The following TCF12 variants were observed in gnomAD, a reference collection of about 807,000 sequenced individuals.
TCF12 encodes the protein DNA-binding protein HTF4.
A neutral mutation model predicts 86.0 loss-of-function variants in TCF12; 45 were observed. The ratio of observed to expected loss-of-function variants is 0.52; its 90% CI spans 0.41 to 0.67. The LOEUF is 0.67. TCF12 is among the 30% of genes least tolerant of loss of function. The pLI is 0.00. For synonymous variants in TCF12, 330 were observed against 299.6 expected, an observed-to-expected ratio of 1.10 and a Z score of -1.05; for missense variants, 881 against 859.9, an observed-to-expected ratio of 1.02 and a Z score of -0.31.
At position 57,289,526 on chromosome 15, in the gene TCF12, A is replaced by C. The variant is rs1360826980; in HGVS notation, c.*3381A>C. 2.6e-5 allele frequency: 4 copies of C among 151,430 alleles called. No individual in the cohort carries two copies. Among genetic ancestry groups the C allele is most frequent in the Non-Finnish European group, 4.4e-5 (3 of 67,890 alleles). The allele number at this position is 151,430 out of a possible 1,614,324, so 9.4% of individuals were successfully genotyped here. ...GCTCAGTGTCTTCATTTTCTTCCAT[A>C]TTTGTTTTATTTCATTTTTCTTTTC... is the stretch of plus-strand genomic sequence containing the variant. On this transcript the variant is annotated 3_prime_UTR_variant, in exon 21 of 21. Coordinates refer to ENST00000333725, the MANE Select transcript of TCF12 (RefSeq NM_207037.2).
chr15:57,133,417 A>G (rs2052288373), intron 5 of TCF12, among the ~76,000 whole-genome samples: 1 of 152,248 alleles, frequency 6.6e-6, no homozygotes, highest in South Asian at 2.1e-4. Context: ...ATGTGTGATT[A>G]TGAAGTCATC....
At chr15:57,136,957 AGTTTTTTTTTTTGT>A (rs2052567676) in intron 5 of TCF12, among the ~76,000 whole-genome samples, 3 of 103,860 alleles carry the variant, frequency 2.9e-5, no homozygotes, top group African/African-American at 1.2e-4. Flanking sequence ...TGCTTCTGGC[AGTTTTTTTTTTTGT>A]TTTTTTTTTT....
intron 12 of TCF12, among the ~76,000 whole-genome samples, chr15:57,241,166 T>C (rs1258334241): frequency 6.6e-6 from 1 of 152,002 alleles, no homozygotes; most frequent in Non-Finnish European, 1.5e-5. Flanking sequence ...CGATCTCGGC[T>C]CACTGAAACC....
At chr15:57,010,706 G>A (rs1217530903) in intron 3 of TCF12, among the ~76,000 whole-genome samples, 1 of 152,180 alleles carries the variant, frequency 6.6e-6, no homozygotes. Context: ...AGTGAGAAAC[G>A]TGTTTACTGA....
At chr15:57,031,050 T>A (rs2066147196) in intron 3 of TCF12, among the ~76,000 whole-genome samples, 1 of 152,254 alleles carries the variant, frequency 6.6e-6, no homozygotes, top group Admixed American at 6.5e-5. Flanking sequence ...ATTGTGTGAA[T>A]TATTATTTCT....
chr15:57,039,452 T>C (rs1000401089), intron 3 of TCF12, among the ~76,000 whole-genome samples: 1 of 152,226 alleles, frequency 6.6e-6, no homozygotes, highest in Non-Finnish European at 1.5e-5. Flanking sequence ...CCATTCAGGC[T>C]ATTTATATTT....
intron 3 of TCF12, among the ~76,000 whole-genome samples, chr15:57,013,246 A>G (rs2141181114): frequency 6.6e-6 from 1 of 152,316 alleles, no homozygotes; most frequent in African/African-American, 2.4e-5. Context: ...AATGTTATAT[A>G]GACTTTGGGG....
chr15:57,122,095 G>T (rs1320257115), intron 5 of TCF12, among the ~76,000 whole-genome samples: 6 of 115,616 alleles, frequency 5.2e-5, no homozygotes, highest in Admixed American at 2.0e-4. Context: ...TTGTTTCCTT[G>T]TACAAAAAAA....
intron 19 of TCF12, 72 bp from the exon 20 acceptor site, chr15:57,282,373 C>A: frequency 6.4e-7 from 1 of 1,569,710 alleles, no homozygotes; most frequent in Non-Finnish European, 8.7e-7. Context: ...AAAACAACAG[C>A]AATTTGTTCA....
intron 4 of TCF12, among the ~76,000 whole-genome samples, chr15:57,077,321 ATATATATGTG>A (rs2070165321): frequency 6.2e-5 from 2 of 32,326 alleles, no homozygotes; most frequent in East Asian, 2.1e-3. Flanking sequence ...ATATATATGT[ATATATATGTG>A]TGTGTGTGTG....
At chr15:57,000,355 T>G (rs960729667) in intron 3 of TCF12, among the ~76,000 whole-genome samples, 3 of 152,244 alleles carry the variant, frequency 2.0e-5, no homozygotes, top group Non-Finnish European at 2.9e-5. Flanking sequence ...TCTGTTTTTT[T>G]TTTTTTTAAA....
chr15:57,040,479 T>A (rs1466146974), intron 3 of TCF12, among the ~76,000 whole-genome samples: 1 of 152,222 alleles, frequency 6.6e-6, no homozygotes. Flanking sequence ...AAGAATTGGC[T>A]GAATAGTAGG....
intron 19 of TCF12, among the ~76,000 whole-genome samples, chr15:57,276,634 C>A (rs554139206): frequency 2.3e-4 from 35 of 152,110 alleles, no homozygotes; most frequent in African/African-American, 7.5e-4. Flanking sequence ...AAAAAATATT[C>A]TAAAGCTTCT....
chr15:57,239,693 G>C (rs781681754), intron 12 of TCF12, among the ~76,000 whole-genome samples: 1 of 152,062 alleles, frequency 6.6e-6, no homozygotes, highest in Admixed American at 6.6e-5. Flanking sequence ...AGAAACATTA[G>C]AGAATTGTGG....
intron 1 of TCF12, 96 bp from the exon 2 acceptor site, chr15:56,919,796 A>C: frequency 9.1e-7 from 1 of 1,104,602 alleles, no homozygotes; most frequent in Non-Finnish European, 1.3e-6. Flanking sequence ...CGGCGCCCCC[A>C]GCGCTCTTGC....
chr15:57,106,319 G>A (rs1331758116), intron 5 of TCF12, among the ~76,000 whole-genome samples: 1 of 44,162 alleles, frequency 2.3e-5, no homozygotes, highest in African/African-American at 5.1e-5. Flanking sequence ...AAGTAGCGTG[G>A]TTACGTAAGA....
intron 4 of TCF12, among the ~76,000 whole-genome samples, chr15:57,065,625 C>T (rs1396095208): frequency 3.4e-5 from 5 of 148,618 alleles, no homozygotes; most frequent in Admixed American, 6.7e-5. Flanking sequence ...TTCACCGCCC[C>T]GCCCCCCCAC....
chr15:57,197,916 C>G, intron 8 of TCF12, 91 bp downstream of exon 8: 2 of 1,257,450 alleles, frequency 1.6e-6, no homozygotes, highest in South Asian at 1.3e-5. Context: ...TCGATTGATG[C>G]GAGTGGGCAT....
At chr15:56,990,834 C>G (rs7169932) in intron 3 of TCF12, among the ~76,000 whole-genome samples, 4 of 151,692 alleles carry the variant, frequency 2.6e-5, no homozygotes, top group African/African-American at 9.7e-5. Context: ...GCTCTATCAC[C>G]TAGGCTGGAG....
Sources: gnomAD v4.1 joint callset for allele counts (sites outside exome capture counted in the v4.1 genomes callset) on GRCh38, gnomAD v4.1.1 for gene constraint, MANE v1.5 for transcripts, NCBI Gene and HGNC (gene_info 2026-07-23, HGNC 2026-07-21) for gene names.